Variants in PRKCA observed in about 807,000 individuals in gnomAD.
PRKCA encodes the protein protein kinase C alpha type.
In PRKCA, 27 loss-of-function variants were observed where a neutral mutation model predicts 87.0. That is an observed-to-expected ratio of 0.31 (90% CI 0.23 to 0.43). The LOEUF is 0.43. Among genes scored for constraint, PRKCA ranks in the 20% least tolerant of loss-of-function variants. PRKCA has a pLI of 1.00. For synonymous variants in PRKCA, 329 were observed against 311.1 expected (o/e 1.06, Z -0.61); for missense variants, 518 against 852.3 (o/e 0.61, Z 4.88).
At chr17:66,495,407 G>C (rs1021719274) in intron 2 of PRKCA, among the ~76,000 whole-genome samples, 7 of 152,144 alleles carry the variant, frequency 4.6e-5, no homozygotes, top group African/African-American at 1.4e-4. Flanking sequence ...CCCACATTTA[G>C]GGATACTCAC....
At position 66,464,593 on chromosome 17, in the gene PRKCA, C is replaced by G. The variant is rs186584006; in HGVS notation, c.206-31608C>G. On this transcript the variant is annotated intron_variant, in intron 2 of 16. Transcript: ENST00000413366. ...ATAGGTGTGTAGTGGTATCTCATTG[C>G]TTTAATTTGCAGATCCCTAATGACA... 3.4e-4 allele frequency among the ~76,000 whole-genome samples: 52 copies of G among 152,232 alleles called. No individual in the cohort carries two copies. The East Asian group carries it at 8.7e-3, about 25-fold the overall frequency.
At chr17:66,304,975 G>C (rs1904732583) in intron 1 of PRKCA, among the ~76,000 whole-genome samples, 1 of 152,150 alleles carries the variant, frequency 6.6e-6, no homozygotes, top group Non-Finnish European at 1.5e-5. Flanking sequence ...GCATACTGAG[G>C]CTAGCTATTG....
chr17:66,502,131 T>C (rs187665220), intron 3 of PRKCA, among the ~76,000 whole-genome samples: 18 of 152,336 alleles, frequency 1.2e-4, no homozygotes, highest in Admixed American at 1.1e-3. Context: ...CACCCTGCTA[T>C]GAAGAGGAAG....
intron 8 of PRKCA, among the ~76,000 whole-genome samples, chr17:66,691,878 C>T (rs1346748072): frequency 6.6e-6 from 1 of 152,228 alleles, no homozygotes; most frequent in Non-Finnish European, 1.5e-5. Flanking sequence ...TATTGACCCA[C>T]TCTTTGTGCT....
chr17:66,517,326 C>G (rs1187206293), intron 3 of PRKCA, among the ~76,000 whole-genome samples: 1 of 152,134 alleles, frequency 6.6e-6, no homozygotes, highest in Non-Finnish European at 1.5e-5. Flanking sequence ...GGAGATTTTC[C>G]TGACTACTCC....
At chr17:66,524,975 C>T (rs1051434113) in intron 3 of PRKCA, among the ~76,000 whole-genome samples, 2 of 152,198 alleles carry the variant, frequency 1.3e-5, no homozygotes, top group African/African-American at 4.8e-5. Context: ...TCTCTTATAA[C>T]GTGTCTTTGC....
At chr17:66,543,071 A>G (rs1968037630) in intron 3 of PRKCA, among the ~76,000 whole-genome samples, 2 of 152,212 alleles carry the variant, frequency 1.3e-5, no homozygotes, top group Non-Finnish European at 2.9e-5. Flanking sequence ...CGTAATTTCT[A>G]TCCTTGTTTA....
At chr17:66,727,312 A>T (rs1371255270) in intron 8 of PRKCA, among the ~76,000 whole-genome samples, 2 of 152,306 alleles carry the variant, frequency 1.3e-5, no homozygotes, top group African/African-American at 4.8e-5. Context: ...TGCTACCTTT[A>T]TGGGCTTCTT....
chr17:66,685,684 T>C (rs564445281), intron 5 of PRKCA, among the ~76,000 whole-genome samples: 1 of 152,350 alleles, frequency 6.6e-6, no homozygotes, highest in South Asian at 2.1e-4. Context: ...ATCTTAGGGC[T>C]GTACCTCCCT....
chr17:66,419,953 C>G (rs1912388612), intron 2 of PRKCA, among the ~76,000 whole-genome samples: 1 of 150,564 alleles, frequency 6.6e-6, no homozygotes, highest in Non-Finnish European at 1.5e-5. Context: ...AATGCGTCCT[C>G]AGTCAGTGTT....
At chr17:66,646,966 T>G (rs143719618) in intron 5 of PRKCA, among the ~76,000 whole-genome samples, 1 of 152,222 alleles carries the variant, frequency 6.6e-6, no homozygotes, top group Non-Finnish European at 1.5e-5. Flanking sequence ...ACCATCCCTA[T>G]TGTGCCATTG....
At chr17:66,747,609 C>T (rs576435599) in intron 13 of PRKCA, among the ~76,000 whole-genome samples, 3 of 152,278 alleles carry the variant, frequency 2.0e-5, no homozygotes, top group South Asian at 2.1e-4. Context: ...ATGTTCTGAC[C>T]GGAGCCCGTA....
At chr17:66,559,844 T>A (rs1224296062) in intron 3 of PRKCA, among the ~76,000 whole-genome samples, 1 of 152,200 alleles carries the variant, frequency 6.6e-6, no homozygotes, top group Non-Finnish European at 1.5e-5. Flanking sequence ...GTCTCTCATG[T>A]GAAAAGCCAA....
chr17:66,436,312 G>A (rs1430032812), intron 2 of PRKCA, among the ~76,000 whole-genome samples: 1 of 152,156 alleles, frequency 6.6e-6, no homozygotes, highest in East Asian at 1.9e-4. Context: ...TCTGGACTCT[G>A]CAATCATCTG....
At chr17:66,772,022 A>G (rs1203384579) in intron 13 of PRKCA, among the ~76,000 whole-genome samples, 1 of 152,246 alleles carries the variant, frequency 6.6e-6, no homozygotes, top group Admixed American at 6.5e-5. Context: ...TGGTAATGGA[A>G]AATATAATGA....
chr17:66,640,087 C>T (rs1971250711), intron 3 of PRKCA, among the ~76,000 whole-genome samples: 1 of 152,152 alleles, frequency 6.6e-6, no homozygotes, highest in Admixed American at 6.5e-5. Flanking sequence ...TACCTACCTA[C>T]CCTGTGATAC....
At chr17:66,510,982 G>A (rs1917202003) in intron 3 of PRKCA, among the ~76,000 whole-genome samples, 2 of 152,060 alleles carry the variant, frequency 1.3e-5, no homozygotes, top group Admixed American at 6.6e-5. Flanking sequence ...CCGGTACTCC[G>A]GTGATCTGCC....
chr17:66,485,605 G>T (rs1018916945), intron 2 of PRKCA, among the ~76,000 whole-genome samples: 1 of 152,148 alleles, frequency 6.6e-6, no homozygotes, highest in Non-Finnish European at 1.5e-5. Flanking sequence ...GATTGGGGTT[G>T]CTGTGAAGCT....
intron 2 of PRKCA, among the ~76,000 whole-genome samples, chr17:66,372,969 G>A (rs538759419): frequency 2.4e-4 from 35 of 147,250 alleles, no homozygotes; most frequent in African/African-American, 8.3e-4. Context: ...AGTTCCAGCA[G>A]AATTGCTGGA....
Sources: allele counts gnomAD v4.1 joint callset (sites outside exome capture counted in the v4.1 genomes callset), GRCh38; gene constraint gnomAD v4.1.1; transcripts MANE v1.5; gene names NCBI Gene and HGNC (gene_info 2026-07-23, HGNC 2026-07-21).